The following PGR variants were observed in gnomAD, a reference collection of about 807,000 sequenced individuals.
The protein encoded by PGR is progesterone receptor.
PGR carries 25 observed loss-of-function variants against 76.1 expected under a neutral mutation model. That is an observed-to-expected ratio of 0.33 (90% CI 0.24 to 0.46). The LOEUF is 0.46. PGR is among the 20% of genes least tolerant of loss of function. The pLI is 1.00. For missense variants in PGR, 1,172 were observed against 1,225.3 expected, an observed-to-expected ratio of 0.96 and a Z score of 0.65; for synonymous variants, 579 against 535.0, an observed-to-expected ratio of 1.08 and a Z score of -1.14.
Position 101,127,650 on chromosome 11 carries a change from G to C in PGR, c.1421C>G (p.Pro474Arg), listed in dbSNP as rs940858927. 9.7e-6 allele frequency: 14 copies of C among 1,439,868 alleles called. No homozygotes were observed. The highest frequency in any genetic ancestry group is 5.9e-5 in the African/African-American group (4 of 68,168). 89.2% of individuals were successfully genotyped at this position (1,439,868 alleles called of 1,614,324 possible). Residue 474 changes from proline to arginine, a missense_variant, in exon 1 of 8, where the codon CCG becomes CGG. Physicochemically the swap from Pro to Arg is moderately radical, Grantham distance 103. Around this residue, in one of 4 missense-constraint regions of PGR, gnomAD observed 893 missense variants for 785.9 expected, o/e 1.14. Transcript: ENST00000325455. ...KAEGAPPQQGPFAPPPCKAPG... is the reference protein window; with the variant it reads ...KAEGAPPQQGRFAPPPCKAPG... ...CGCCTTGCAGGGCGGCGGCGCGAAC[G>C]GGCCCTGCTGGGGCGGCGCGCCCTC...
chr11:101,033,065 A>G lies in PGR; in HGVS notation c.*6051T>C. ...CTGTTTCTTTCAAATTTCAGTAAAA[A>G]GGCTTTAACTTAAACCCTTTGTGCT... On this transcript the variant is annotated 3_prime_UTR_variant, in exon 8 of 8. Transcript: ENST00000325455. 5.0e-6 allele frequency: 1 copy of G among 201,918 alleles called. No individual in the cohort carries two copies. The highest frequency in any genetic ancestry group is 6.0e-5 in the Admixed American group (1 of 16,714). 12.5% of individuals were successfully genotyped at this position (201,918 alleles called of 1,614,324 possible).
intron 6 of PGR, among the ~76,000 whole-genome samples, chr11:101,049,661 G>C (rs1860022119): frequency 6.6e-6 from 1 of 152,002 alleles, no homozygotes; most frequent in Non-Finnish European, 1.5e-5. Context: ...TTATATTACT[G>C]AATTAGGTGA....
At chr11:101,069,284 G>C (rs1860832051) in intron 3 of PGR, among the ~76,000 whole-genome samples, 1 of 152,174 alleles carries the variant, frequency 6.6e-6, no homozygotes, top group Non-Finnish European at 1.5e-5. Flanking sequence ...GGTCATGAGA[G>C]AAATGCAAAT....
At chr11:101,081,628 C>T (rs1465074848) in intron 3 of PGR, among the ~76,000 whole-genome samples, 1 of 152,132 alleles carries the variant, frequency 6.6e-6, no homozygotes, top group Non-Finnish European at 1.5e-5. Flanking sequence ...AAAGAAATTT[C>T]AACCAAGAAT....
At chr11:101,081,610 C>T (rs779033359) in intron 3 of PGR, among the ~76,000 whole-genome samples, 4 of 152,086 alleles carry the variant, frequency 2.6e-5, no homozygotes, top group South Asian at 2.1e-4. Flanking sequence ...CTGTTTTCAG[C>T]GTTCTTAAAA....
chr11:101,064,100 G>A (rs1042208583), intron 3 of PGR: 7 of 152,106 alleles, frequency 4.6e-5, no homozygotes, highest in Non-Finnish European at 8.8e-5. Flanking sequence ...AGAGGCCGAG[G>A]TGGGCAGATT....
At chr11:101,113,554 G>C (rs1415193368) in intron 2 of PGR, among the ~76,000 whole-genome samples, 1 of 152,060 alleles carries the variant, frequency 6.6e-6, no homozygotes, top group African/African-American at 2.4e-5. Flanking sequence ...ACAGGCGTGA[G>C]CCATTGCACC....
At chr11:101,073,312 C>T (rs1454623187) in intron 3 of PGR, among the ~76,000 whole-genome samples, 4 of 152,096 alleles carry the variant, frequency 2.6e-5, no homozygotes, top group African/African-American at 9.7e-5. Context: ...ATCTCTGGGA[C>T]ACAGCTAAAG....
chr11:101,075,112 G>A (rs1200413719), intron 3 of PGR, among the ~76,000 whole-genome samples: 1 of 152,130 alleles, frequency 6.6e-6, no homozygotes, highest in Non-Finnish European at 1.5e-5. Flanking sequence ...CATGGTACTG[G>A]TACCAAAACA....
intron 6 of PGR, among the ~76,000 whole-genome samples, chr11:101,047,085 T>C (rs1859914713): frequency 6.6e-6 from 1 of 152,172 alleles, no homozygotes. Context: ...TTTTGTGAAG[T>C]GGCAAATGGC....
At chr11:101,114,442 A>C (rs778545124) in intron 2 of PGR, among the ~76,000 whole-genome samples, 1 of 152,226 alleles carries the variant, frequency 6.6e-6, no homozygotes, top group Non-Finnish European at 1.5e-5. Flanking sequence ...AAATTATATT[A>C]TTTCAATATC....
rs1391730145 is a variant in PGR, at chr11:101,129,032, G to T, written c.39C>A (p.His13Gln). The change falls in exon 1 of 8, where the codon CAC (histidine) becomes CAA (glutamine). Residue 13 changes from histidine to glutamine, a missense_variant. This residue lies in a region of PGR where 893 missense variants were observed against 785.9 expected (regional missense o/e 1.14). Transcript: ENST00000325455. Reference sequence around the variant, plus strand: ...CGGGGGAGGGCGGGCCGCCCGCCACGTGGGGAGCCCGGGGACCCTTTGCCT... The same window carrying T: ...CGGGGGAGGGCGGGCCGCCCGCCACTTGGGGAGCCCGGGGACCCTTTGCCT... ...ELKAKGPRAPHVAGGPPSPEV... is the reference protein window; with the variant it reads ...ELKAKGPRAPQVAGGPPSPEV... 2.6e-6 allele frequency: 4 copies of T among 1,567,068 alleles called. No individual in the cohort carries two copies. The highest frequency in any genetic ancestry group is 3.5e-6 in the Non-Finnish European group (4 of 1,156,730).
intron 3 of PGR, among the ~76,000 whole-genome samples, chr11:101,080,470 A>G (rs1348966074): frequency 6.6e-6 from 1 of 150,594 alleles, no homozygotes; most frequent in Non-Finnish European, 1.5e-5. Flanking sequence ...TAGGGAAAGA[A>G]AAAAAAAAGA....
Position 101,128,722 on chromosome 11 carries a change from T to G in PGR, c.349A>C (p.Thr117Pro). The G allele has an allele frequency of 4.3e-6, 7 of 1,611,512 alleles. No homozygotes were observed. Among genetic ancestry groups the G allele is most frequent in the Non-Finnish European group, 5.1e-6 (6 of 1,179,426 alleles). Residue 117 changes from threonine to proline, a missense_variant, in exon 1 of 8, where the codon ACT (threonine) becomes CCT (proline). Around this residue, in one of 4 missense-constraint regions of PGR, gnomAD observed 893 missense variants for 785.9 expected, o/e 1.14. Coordinates refer to ENST00000325455, the MANE Select transcript of PGR (RefSeq NM_000926.4). Reference protein sequence around the residue: ...DSGLLDSVLDTLLAPSGPGQS... With the variant: ...DSGLLDSVLDPLLAPSGPGQS... The stretch of plus-strand genomic sequence containing the variant: ...CCGGGACCTGAGGGCGCCAACAGAG[T>G]GTCCAAGACACTGTCCAGCAGTCCG...
rs940093927 is a variant in PGR at position 101,035,748 on chromosome 11, A to G, written c.*3368T>C. On this transcript the variant is annotated 3_prime_UTR_variant, in exon 8 of 8. Transcript: ENST00000325455. Reference sequence around the variant, plus strand: ...TAAACTCAAAACACTGTATTTTTTCAGCAGAAGAAATTACTTGAATACTTC... The same window carrying G: ...TAAACTCAAAACACTGTATTTTTTCGGCAGAAGAAATTACTTGAATACTTC... 4.7e-5 allele frequency: 11 copies of G among 232,006 alleles called. No homozygotes were observed. The highest frequency in any genetic ancestry group is 9.4e-5 in the Non-Finnish European group (11 of 117,386). 14.4% of individuals were successfully genotyped at this position (232,006 alleles called of 1,614,324 possible).
In PGR at chr11:101,033,100, T is replaced by C. The variant is rs1859401010; in HGVS notation, c.*6016A>G. On this transcript the variant is annotated 3_prime_UTR_variant, in exon 8 of 8. Transcript: ENST00000325455. ...TTAAACCCTTTGTGCTGATTTTTCT[T>C]ATAAACATGCACAACTCAGAAAAGT... 1 of 205,630 alleles carries C rather than the reference T, an allele frequency of 4.9e-6. No individual in the cohort carries two copies. Among genetic ancestry groups the C allele is most frequent in the South Asian group, 1.9e-4 (1 of 5,274 alleles). 12.7% of individuals were successfully genotyped at this position (205,630 alleles called of 1,614,324 possible).
chr11:101,059,739 A>C (rs938332647), intron 4 of PGR, among the ~76,000 whole-genome samples: 1 of 148,882 alleles, frequency 6.7e-6, no homozygotes, highest in Non-Finnish European at 1.5e-5. Flanking sequence ...GCTCATCAGG[A>C]GGCTGAGGTG....
chr11:101,099,801 C>T (rs957600712), intron 2 of PGR, among the ~76,000 whole-genome samples: 3 of 152,154 alleles, frequency 2.0e-5, no homozygotes, highest in Non-Finnish European at 4.4e-5. Context: ...CCACCAAACA[C>T]AGATAACCCC....
At chr11:101,081,292 G>A (rs973314104) in intron 3 of PGR, among the ~76,000 whole-genome samples, 6 of 151,978 alleles carry the variant, frequency 3.9e-5, no homozygotes, top group African/African-American at 7.2e-5. Flanking sequence ...AGCCAGACAC[G>A]GTGGCAGGCA....
Sources: allele counts gnomAD v4.1 joint callset (sites outside exome capture counted in the v4.1 genomes callset), GRCh38; gene constraint gnomAD v4.1.1; regional missense constraint gnomAD v4.1.1; transcripts MANE v1.5; gene names NCBI Gene and HGNC (gene_info 2026-07-23, HGNC 2026-07-21).